Variants in TAF3 observed in about 807,000 individuals in gnomAD.
TAF3 encodes the protein transcription initiation factor TFIID subunit 3.
Under a neutral mutation model 80.6 loss-of-function variants are expected in TAF3, and 7 were observed. That is an observed-to-expected ratio of 0.09 (90% confidence interval 0.05 to 0.16). The LOEUF is 0.16. TAF3 is among the 10% of genes least tolerant of loss of function. The pLI is 1.00. For missense variants in TAF3, 921 were observed against 1,140.2 expected (o/e 0.81, Z 2.77); for synonymous variants, 444 against 446.1 (o/e 1.00, Z 0.06).
At chr10:7,979,577 C>A (rs1831705919) in intron 4 of TAF3, among the ~76,000 whole-genome samples, 1 of 152,058 alleles carries the variant, frequency 6.6e-6, no homozygotes, top group African/African-American at 2.4e-5. Context: ...CCCTTGAAAG[C>A]ATATTATATA....
At chr10:7,941,817 C>T (rs926579707) in intron 2 of TAF3, among the ~76,000 whole-genome samples, 13 of 152,132 alleles carry the variant, frequency 8.5e-5, no homozygotes, top group African/African-American at 2.7e-4. Context: ...CTTAGAGAGC[C>T]TGGAGCATGT....
intron 2 of TAF3, among the ~76,000 whole-genome samples, chr10:7,910,002 A>G (rs531116291): frequency 4.3e-4 from 65 of 152,330 alleles, no homozygotes; most frequent in Non-Finnish European, 6.2e-4. Context: ...CAGGTTACTT[A>G]TAATTAATAT....
intron 2 of TAF3, among the ~76,000 whole-genome samples, chr10:7,905,891 A>AG (rs1466733647): frequency 6.6e-6 from 1 of 152,154 alleles, no homozygotes; most frequent in Non-Finnish European, 1.5e-5. Context: ...TAAAAAAAAA[A>AG]AAATTTAGCA....
At chr10:7,910,088 T>G (rs1050590051) in intron 2 of TAF3, among the ~76,000 whole-genome samples, 2 of 152,160 alleles carry the variant, frequency 1.3e-5, no homozygotes, top group African/African-American at 4.8e-5. Context: ...CTTTTATTGG[T>G]TTTTTCCCCT....
At chr10:7,950,578 T>G (rs1478839765) in intron 2 of TAF3, among the ~76,000 whole-genome samples, 1 of 152,232 alleles carries the variant, frequency 6.6e-6, no homozygotes, top group Non-Finnish European at 1.5e-5. Flanking sequence ...TTCTTTTAAG[T>G]CAGTAGTCCG....
intron 2 of TAF3, among the ~76,000 whole-genome samples, chr10:7,920,179 G>A (rs900887818): frequency 6.6e-6 from 1 of 152,116 alleles, no homozygotes; most frequent in Non-Finnish European, 1.5e-5. Context: ...CTTGAGTGCA[G>A]GTGATCGAGG....
chr10:7,861,623 C>T (rs185379970), intron 2 of TAF3, among the ~76,000 whole-genome samples: 54 of 152,030 alleles, frequency 3.6e-4, no homozygotes, highest in Admixed American at 6.6e-4. Context: ...AGATATTTTT[C>T]CACCATCTCA....
intron 4 of TAF3, among the ~76,000 whole-genome samples, chr10:7,985,443 T>C (rs1831767242): frequency 6.6e-6 from 1 of 152,138 alleles, no homozygotes; most frequent in African/African-American, 2.4e-5. Flanking sequence ...ATGCTAACCC[T>C]CCTCACCTTC....
chr10:8,000,152 C>T (rs147577504), intron 4 of TAF3, among the ~76,000 whole-genome samples: 138 of 152,062 alleles, frequency 9.1e-4, no homozygotes, highest in African/African-American at 2.8e-3. Context: ...TTTTTTGAGA[C>T]GGGGTCTCAC....
rs263432 is a variant in TAF3 at position 7,986,880 on chromosome 10, G to A, written c.2315+9557G>A. Among the ~76,000 whole-genome samples the A allele has an allele frequency of 4.4e-3, 674 of 152,310 alleles. 4 individuals are homozygous for A. Among genetic ancestry groups the A allele is most frequent in the African/African-American group, 0.016 (650 of 41,560 alleles). On this transcript the variant is annotated intron_variant, in intron 4 of 6. Coordinates refer to ENST00000344293, the MANE Select transcript of TAF3 (RefSeq NM_031923.4). The stretch of plus-strand genomic sequence containing the variant: ...GATCTGAGAAGCAAAACACTTAAAA[G>A]TCTGATCAGGACATAATAGGCTTTC...
chr10:7,835,084 T>C (rs1836838475), intron 2 of TAF3, among the ~76,000 whole-genome samples: 2 of 152,240 alleles, frequency 1.3e-5, no homozygotes, highest in South Asian at 4.1e-4. Context: ...ATAGAAACTA[T>C]ATGTGAGTTA....
intron 2 of TAF3, among the ~76,000 whole-genome samples, chr10:7,864,843 G>GT (rs1837194028): frequency 6.7e-6 from 1 of 149,238 alleles, no homozygotes; most frequent in Non-Finnish European, 1.5e-5. Context: ...TCCTTTTTAT[G>GT]TTTTGTACTC....
intron 1 of TAF3, among the ~76,000 whole-genome samples, chr10:7,823,634 C>CT (rs71515490): frequency 0.51 from 69,156 of 135,822 alleles, 17,968 homozygotes; most frequent in East Asian, 0.77. Context: ...GATGCCATCT[C>CT]TTTTTTTTTT....
chr10:7,970,758 G>A (rs1831614235), intron 3 of TAF3, among the ~76,000 whole-genome samples: 1 of 152,178 alleles, frequency 6.6e-6, no homozygotes, highest in South Asian at 2.1e-4. Flanking sequence ...CCCAAGTCCT[G>A]TAGGATTTGC....
chr10:7,903,348 A>T (rs1265898631), intron 2 of TAF3, among the ~76,000 whole-genome samples: 2 of 152,174 alleles, frequency 1.3e-5, no homozygotes, highest in Non-Finnish European at 2.9e-5. Flanking sequence ...CAGCTTTTGA[A>T]CATTTTCTTA....
chr10:7,961,296 G>A (rs1269697511), intron 2 of TAF3, among the ~76,000 whole-genome samples: 2 of 152,142 alleles, frequency 1.3e-5, no homozygotes, highest in South Asian at 2.1e-4. Context: ...CATCATTATC[G>A]CGAATCGGTA....
intron 2 of TAF3, among the ~76,000 whole-genome samples, chr10:7,853,946 T>A (rs1837053205): frequency 6.6e-6 from 1 of 152,258 alleles, no homozygotes; most frequent in Non-Finnish European, 1.5e-5. Flanking sequence ...ATTGGCTGCA[T>A]GGAATTTATA....
intron 4 of TAF3, among the ~76,000 whole-genome samples, chr10:7,978,703 AATTCTGCAT>A (rs1357425350): frequency 6.6e-6 from 1 of 152,198 alleles, no homozygotes; most frequent in Non-Finnish European, 1.5e-5. Context: ...TCTCCATGCA[AATTCTGCAT>A]ATGGGCTCAT....
At chr10:7,846,408 A>G (rs1196666787) in intron 2 of TAF3, among the ~76,000 whole-genome samples, 1 of 152,114 alleles carries the variant, frequency 6.6e-6, no homozygotes, top group Admixed American at 6.5e-5. Flanking sequence ...CTTTATCTGC[A>G]TTTGTGATTT....
Sources: allele counts gnomAD v4.1 joint callset (sites outside exome capture counted in the v4.1 genomes callset), GRCh38; gene constraint gnomAD v4.1.1; transcripts MANE v1.5; gene names NCBI Gene and HGNC (gene_info 2026-07-23, HGNC 2026-07-21).